COL18A1: variants seen among roughly 807,000 people sequenced by gnomAD.
The protein encoded by COL18A1 is collagen type XVIII alpha 1 chain, also known as collagen alpha-1(XVIII) chain.
A neutral mutation model predicts 168.0 loss-of-function variants in COL18A1; 133 were observed. The observed-to-expected ratio is 0.79, with a 90% CI of 0.69 to 0.91. The LOEUF (loss-of-function observed/expected upper bound fraction) is 0.91, where lower values mean the gene tolerates loss of function less well. Ranked by LOEUF, COL18A1 falls within the 40% of genes least tolerant of loss-of-function variation. The pLI, the probability that COL18A1 is intolerant of heterozygous loss-of-function variation, is 0.00. For missense variants in COL18A1, 2,126 were observed against 1,925.4 expected (o/e 1.10, Z -1.95); for synonymous variants, 949 against 809.0 (o/e 1.17, Z -2.94).
chr21:45,503,781 TATA>T (rs1029494305), intron 32 of COL18A1, among the ~76,000 whole-genome samples: 18 of 151,806 alleles, frequency 1.2e-4, no homozygotes, highest in South Asian at 2.1e-4. Context: ...AAACTTAAAG[TATA>T]ATAATAAATT....
chr21:45,487,448 A>G lies in COL18A1; in HGVS notation c.1835A>G (p.Asp612Gly), dbSNP rs1262531043. ...PPGPGLPAGF[D>G]DMEGSGGPFW... is the part of the protein sequence containing the mutation. Reference sequence around the variant, plus strand: ...ACGTGTCTCGTGTGTCTCTTCCAGGATGACATGGAAGGCTCCGGGGGGCCC... The same window carrying G: ...ACGTGTCTCGTGTGTCTCTTCCAGGGTGACATGGAAGGCTCCGGGGGGCCC... Residue 612 changes from aspartate (D) to glycine (G), a missense_variant and splice_region_variant, in exon 17 of 42, where the codon GAT (aspartate) becomes GGT (glycine). Asp to Gly is a moderately conservative substitution (Grantham distance 94, BLOSUM62 -1). Transcript: ENST00000651438. The G allele has an allele frequency of 1.2e-6, 2 of 1,612,764 alleles. No individual in the cohort carries two copies. Among genetic ancestry groups the G allele is most frequent in the South Asian group, 1.1e-5 (1 of 91,070 alleles).
chr21:45,495,018 G>C (rs1041134989), intron 28 of COL18A1, 103 bp downstream of exon 28: 13 of 1,025,284 alleles, frequency 1.3e-5, no homozygotes, highest in East Asian at 2.6e-5. Context: ...GTGGACGGCC[G>C]CCGCACCCAC....
In COL18A1 at chr21:45,443,430, C is replaced by A. The variant is rs1158071523; in HGVS notation, c.107-24812C>A. ...TGAAAGGCCGCCCGTGCCTTTCCTCCTTGGCCCTCACAGCCCAGCTCGGCA... is the reference window on the plus strand; with the variant it reads ...TGAAAGGCCGCCCGTGCCTTTCCTCATTGGCCCTCACAGCCCAGCTCGGCA... On this transcript the variant is annotated intron_variant, in intron 2 of 41. Transcript: ENST00000651438. This position sits in a 1 kb window ranked among gnomAD's most constrained non-coding sequence, Gnocchi z 5.2. 1.3e-5 allele frequency among the ~76,000 whole-genome samples: 2 copies of A among 152,144 alleles called. No homozygotes were observed. Among genetic ancestry groups the A allele is most frequent in the Admixed American group, 6.5e-5 (1 of 15,286 alleles).
chr21:45,452,720 C>G (rs1569296490), intron 2 of COL18A1, among the ~76,000 whole-genome samples: 1 of 150,748 alleles, frequency 6.6e-6, no homozygotes, highest in African/African-American at 2.5e-5. Flanking sequence ...TGAATATTCA[C>G]ATGTGACGTG....
intron 4 of COL18A1, among the ~76,000 whole-genome samples, chr21:45,475,221 C>T (rs185258097): frequency 3.6e-4 from 55 of 152,330 alleles, no homozygotes; most frequent in Admixed American, 1.2e-3. Flanking sequence ...GTCTGACCAC[C>T]GGCCGAGGCA....
chr21:45,474,096 A>G (rs2035544602), intron 4 of COL18A1, 115 bp downstream of exon 4: 2 of 765,300 alleles, frequency 2.6e-6, no homozygotes, highest in East Asian at 5.4e-5. Flanking sequence ...GGCACTGGGA[A>G]GCTGCGATAC....
intron 2 of COL18A1, among the ~76,000 whole-genome samples, chr21:45,429,682 G>A (rs547673888): frequency 5.3e-4 from 80 of 152,312 alleles, no homozygotes; most frequent in Non-Finnish European, 9.1e-4. Context: ...GCCTGACTGC[G>A]GGTGACGGAC....
intron 4 of COL18A1, among the ~76,000 whole-genome samples, chr21:45,474,712 C>T (rs1568899662): frequency 6.8e-6 from 1 of 146,820 alleles, no homozygotes; most frequent in East Asian, 2.0e-4. Flanking sequence ...GAACATGGAC[C>T]CACAGCCTCG....
chr21:45,452,871 C>T (rs941890436), intron 2 of COL18A1, among the ~76,000 whole-genome samples: 1 of 151,104 alleles, frequency 6.6e-6, no homozygotes, highest in Non-Finnish European at 1.5e-5. Flanking sequence ...CTTGTGTATG[C>T]ATGTGAGTAT....
At chr21:45,441,047 G>C (rs1180657548) in intron 2 of COL18A1, among the ~76,000 whole-genome samples, 3 of 152,296 alleles carry the variant, frequency 2.0e-5, no homozygotes, top group Admixed American at 6.5e-5. Flanking sequence ...TGCAAACCCC[G>C]GGGACACCCG....
chr21:45,497,827 A>G (rs1451579850), intron 32 of COL18A1, 166 bp downstream of exon 32: 2 of 904,452 alleles, frequency 2.2e-6, no homozygotes, highest in African/African-American at 1.7e-5. Flanking sequence ...TGGGGGCCTC[A>G]TAGGACCTGG....
chr21:45,493,611 G>T (rs1327674693), intron 26 of COL18A1, 36 bp downstream of exon 26: 1 of 1,458,806 alleles, frequency 6.9e-7, no homozygotes. Context: ...GCAGGCGTGG[G>T]GGCTCCTGGG....
chr21:45,452,390 T>G (rs1330909378), intron 2 of COL18A1, among the ~76,000 whole-genome samples: 1 of 152,252 alleles, frequency 6.6e-6, no homozygotes, highest in Non-Finnish European at 1.5e-5. Context: ...TGTGTATGCA[T>G]GTATTCATGT....
chr21:45,493,115 G>C, intron 24 of COL18A1, 48 bp from the exon 25 acceptor site: 15 of 1,519,666 alleles, frequency 9.9e-6, no homozygotes, highest in Non-Finnish European at 1.3e-5. Context: ...CGTCGGGGAT[G>C]GGGGAGATGC....
In COL18A1 at chr21:45,405,486, C is replaced by A. The variant is rs1275548618; in HGVS notation, c.106+13C>A. 3 of 1,353,272 alleles carry A rather than the reference C, an allele frequency of 2.2e-6. No homozygotes were observed. The highest frequency in any genetic ancestry group is 2.7e-5 in the Admixed American group (1 of 37,392). 83.8% of individuals were successfully genotyped at this position (1,353,272 alleles called of 1,614,324 possible). On this transcript the variant is annotated intron_variant, in intron 2 of 41. Coordinates refer to ENST00000651438, the MANE Select transcript of COL18A1 (RefSeq NM_001379500.1). Reference sequence around the variant, plus strand: ...TCCGCGGAGCCAGGTAAGACCCGGGCGGGACGGGAAGGTTCGCGCCGGTGC... The same window carrying A: ...TCCGCGGAGCCAGGTAAGACCCGGGAGGGACGGGAAGGTTCGCGCCGGTGC...
chr21:45,509,065 C>G (rs781449301), intron 38 of COL18A1, among the ~76,000 whole-genome samples: 21 of 152,212 alleles, frequency 1.4e-4, no homozygotes, highest in Non-Finnish European at 2.4e-4. Flanking sequence ...GGAGCCGCGG[C>G]AAAGGAGAGG....
At chr21:45,477,720 GCCC>G in intron 7 of COL18A1, 27 bp from the exon 8 acceptor site, 1 of 1,513,614 alleles carries the variant, frequency 6.6e-7, no homozygotes, top group Non-Finnish European at 8.9e-7. Context: ...CCCCACCCCA[GCCC>G]GAGCCCTGTG....
chr21:45,481,149 T>C (rs1414363706), intron 13 of COL18A1, among the ~76,000 whole-genome samples: 1 of 152,132 alleles, frequency 6.6e-6, no homozygotes, highest in Non-Finnish European at 1.5e-5. Context: ...AGAGAGCGTC[T>C]CCATGAGCAA....
intron 38 of COL18A1, among the ~76,000 whole-genome samples, 164 bp downstream of exon 38, chr21:45,507,757 A>C (rs2037310191): frequency 6.6e-6 from 1 of 151,904 alleles, no homozygotes; most frequent in South Asian, 2.1e-4. Context: ...ACACCCCACT[A>C]CCTCTGTCTC....
Sources: allele counts gnomAD v4.1 joint callset (sites outside exome capture counted in the v4.1 genomes callset), GRCh38; gene constraint gnomAD v4.1.1; non-coding constraint Gnocchi (gnomAD v3.1); transcripts MANE v1.5; gene names NCBI Gene and HGNC (gene_info 2026-07-23, HGNC 2026-07-21).